CMSS1: variants seen among roughly 807,000 people sequenced by gnomAD.
CMSS1 encodes the protein cms1 ribosomal small subunit homolog, also known as protein CMSS1.
CMSS1 carries 33 observed loss-of-function variants against 43.5 expected under a neutral mutation model. That is an observed-to-expected ratio of 0.76 (90% CI 0.57 to 1.01). The LOEUF (loss-of-function observed/expected upper bound fraction) is 1.01. Ranked by LOEUF, CMSS1 falls within the 50% of genes least tolerant of loss-of-function variation. The pLI is 0.00. For synonymous variants in CMSS1, 115 were observed against 117.2 expected (o/e 0.98, Z 0.12); for missense variants, 313 against 326.4 (o/e 0.96, Z 0.32).
At chr3:99,982,644 C>T (rs1022582199) in intron 1 of CMSS1, among the ~76,000 whole-genome samples, 1 of 152,082 alleles carries the variant, frequency 6.6e-6, no homozygotes, top group Non-Finnish European at 1.5e-5. Context: ...ATGCCTGGCC[C>T]ATTCAGCTAA....
chr3:100,166,369 C>T lies in CMSS1; in HGVS notation c.390C>T (p.His130=), dbSNP rs1372348001. Residue 130 remains histidine, a synonymous_variant, in exon 5 of 10, where the codon CAC becomes CAT. Coordinates refer to ENST00000421999, the MANE Select transcript of CMSS1 (RefSeq NM_032359.4). The part of the protein sequence containing the change: ...SCFLKANDLT[H]SLSSYLKEIC... ...TCCTCAAGGCCAATGATTTGACTCA[C>T]AGTCTTTCCTCATACCTAAAAGAAA... 1 of 1,595,768 alleles carries T rather than the reference C, an allele frequency of 6.3e-7. No individual in the cohort carries two copies.
chr3:99,988,522 AAAAAAAAAGAAAGAAAAGG>A (rs1173760072), intron 1 of CMSS1, among the ~76,000 whole-genome samples: 11 of 141,398 alleles, frequency 7.8e-5, no homozygotes, highest in African/African-American at 2.8e-4. Flanking sequence ...AAAAAAAAAA[AAAAAAAAAGAAAGAAAAGG>A]AAAAAAAAAG....
chr3:100,159,905 G>A lies in CMSS1; in HGVS notation c.154-525G>A, dbSNP rs536275080. 19 of 456,582 alleles carry A rather than the reference G, an allele frequency of 4.2e-5. No individual in the cohort carries two copies. In the East Asian group the frequency reaches 1.3e-3, roughly 32 times the overall value. The allele number at this position is 456,582 out of a possible 1,614,324, so 28.3% of individuals were successfully genotyped here. ...ATAGCAAAGGCATTTGATGCAGCTGGTTTATAAAAACGTAAGTTAATATAT... is the reference window on the plus strand; with the variant it reads ...ATAGCAAAGGCATTTGATGCAGCTGATTTATAAAAACGTAAGTTAATATAT... On this transcript the variant is annotated intron_variant, in intron 2 of 9. Coordinates refer to ENST00000421999, the MANE Select transcript of CMSS1 (RefSeq NM_032359.4).
At chr3:99,929,634 A>G (rs1403301959) in intron 1 of CMSS1, among the ~76,000 whole-genome samples, 1 of 151,980 alleles carries the variant, frequency 6.6e-6, no homozygotes. Flanking sequence ...CATTTGGTAG[A>G]TTTTGGTTGA....
intron 1 of CMSS1, among the ~76,000 whole-genome samples, chr3:100,126,095 T>C (rs978113693): frequency 9.8e-5 from 15 of 152,346 alleles, no homozygotes; most frequent in African/African-American, 3.4e-4. Flanking sequence ...GTAGTACATG[T>C]GGAAATTGTC....
rs968951826 is a variant in CMSS1, at chr3:99,907,644, A to G, written c.64+89601A>G. On this transcript the variant is annotated intron_variant, in intron 1 of 9. Transcript: ENST00000421999. ...ACATTATGTGTACTTAAGCCAAACC[A>G]TATTCCTTGCTTTTTCCTGAATTTG... is the stretch of plus-strand genomic sequence containing the variant. Among the ~76,000 whole-genome samples the G allele has an allele frequency of 3.3e-5, 5 of 152,230 alleles. No individual in the cohort carries two copies. In the South Asian group the frequency reaches 8.3e-4, roughly 25 times the overall value.
intron 1 of CMSS1, among the ~76,000 whole-genome samples, chr3:99,908,912 A>C (rs562793764): frequency 6.6e-6 from 1 of 152,136 alleles, no homozygotes; most frequent in Non-Finnish European, 1.5e-5. Flanking sequence ...TGGGAATCTT[A>C]ATTAGCTTCA....
intron 1 of CMSS1, among the ~76,000 whole-genome samples, chr3:99,900,829 T>C (rs1706411767): frequency 6.6e-6 from 1 of 152,226 alleles, no homozygotes; most frequent in Non-Finnish European, 1.5e-5. Context: ...TTATCAGGTT[T>C]TTTAAAAGCT....
chr3:99,903,011 T>G (rs912323197), intron 1 of CMSS1, among the ~76,000 whole-genome samples: 53 of 152,178 alleles, frequency 3.5e-4, no homozygotes, highest in African/African-American at 1.2e-3. Context: ...ATTAAGGATA[T>G]AAACAAATGG....
intron 1 of CMSS1, among the ~76,000 whole-genome samples, chr3:99,968,077 G>T (rs1034378330): frequency 6.6e-6 from 1 of 152,148 alleles, no homozygotes; most frequent in African/African-American, 2.4e-5. Flanking sequence ...CATGTACAAA[G>T]AGATAGTTTT....
chr3:100,008,403 T>C (rs934975244), intron 1 of CMSS1, among the ~76,000 whole-genome samples: 2 of 152,202 alleles, frequency 1.3e-5, no homozygotes, highest in Admixed American at 6.5e-5. Flanking sequence ...GATTTTCATA[T>C]GAGTTGCAGC....
At chr3:99,983,389 A>AATAAATAAATAAAT (rs1302972402) in intron 1 of CMSS1, among the ~76,000 whole-genome samples, 4 of 40,800 alleles carry the variant, frequency 9.8e-5, no homozygotes, top group African/African-American at 4.1e-4. Context: ...TAAATAAATA[A>AATAAATAAATAAAT]ATATATATAT....
At position 99,977,903 on chromosome 3, in the gene CMSS1, C is replaced by T. The variant is rs952960320; in HGVS notation, c.64+159860C>T. 2.6e-5 allele frequency among the ~76,000 whole-genome samples: 4 copies of T among 152,026 alleles called. No individual in the cohort carries two copies. In the South Asian group the frequency reaches 6.2e-4, roughly 24 times the overall value. ...TCAAAGCACATAATATGCATATATA[C>T]ACCATTAACCTAAAAGAAAAAATTG... On this transcript the variant is annotated intron_variant, in intron 1 of 9. Transcript: ENST00000421999.
At chr3:100,137,476 A>G (rs891915923) in intron 1 of CMSS1, among the ~76,000 whole-genome samples, 1 of 152,212 alleles carries the variant, frequency 6.6e-6, no homozygotes, top group Non-Finnish European at 1.5e-5. Flanking sequence ...TAAAACATTG[A>G]CAAGCTCAAA....
chr3:100,154,491 G>A (rs985144531), intron 2 of CMSS1, among the ~76,000 whole-genome samples: 21 of 152,070 alleles, frequency 1.4e-4, no homozygotes, highest in Admixed American at 6.5e-5. Flanking sequence ...TCAACATTTG[G>A]AGTTATTGGC....
intron 1 of CMSS1, among the ~76,000 whole-genome samples, chr3:99,835,377 T>G (rs1308642452): frequency 6.6e-6 from 1 of 152,266 alleles, no homozygotes; most frequent in Non-Finnish European, 1.5e-5. Flanking sequence ...AGTAGTTCTT[T>G]TAGATCACCT....
intron 1 of CMSS1, among the ~76,000 whole-genome samples, chr3:99,917,507 T>A (rs1408134143): frequency 6.6e-6 from 1 of 152,142 alleles, no homozygotes; most frequent in Non-Finnish European, 1.5e-5. Flanking sequence ...TTTGGTGACT[T>A]TTTTTTATCT....
chr3:100,135,418 G>A (rs560255183), intron 1 of CMSS1, among the ~76,000 whole-genome samples: 2 of 150,362 alleles, frequency 1.3e-5, no homozygotes, highest in South Asian at 4.2e-4. Flanking sequence ...GATTCCTGAG[G>A]AGCCTTTGTG....
chr3:100,083,327 G>A (rs1335293732), intron 1 of CMSS1, among the ~76,000 whole-genome samples: 2 of 152,292 alleles, frequency 1.3e-5, no homozygotes, highest in East Asian at 3.9e-4. Context: ...TAGATAAGTA[G>A]CCCTTAACGT....
Sources: gnomAD v4.1 joint callset for allele counts (sites outside exome capture counted in the v4.1 genomes callset) on GRCh38, gnomAD v4.1.1 for gene constraint, MANE v1.5 for transcripts, NCBI Gene and HGNC (gene_info 2026-07-23, HGNC 2026-07-21) for gene names.